The following OSBPL11 variants were observed in gnomAD, a reference collection of about 807,000 sequenced individuals.
The protein encoded by OSBPL11 is oxysterol-binding protein-related protein 11.
In OSBPL11, 33 loss-of-function variants were observed where a neutral mutation model predicts 84.4. The observed-to-expected ratio is 0.39, with a 90% CI of 0.30 to 0.52. OSBPL11 has a LOEUF of 0.52. Ranked by LOEUF, OSBPL11 falls within the 20% of genes least tolerant of loss-of-function variation. The pLI is 0.72. For synonymous variants in OSBPL11, 276 were observed against 310.2 expected, an observed-to-expected ratio of 0.89 and a Z score of 1.16; for missense variants, 736 against 901.1, an observed-to-expected ratio of 0.82 and a Z score of 2.35.
intron 9 of OSBPL11, among the ~76,000 whole-genome samples, chr3:125,549,301 G>C (rs1312371068): frequency 6.6e-6 from 1 of 152,186 alleles, no homozygotes; most frequent in Non-Finnish European, 1.5e-5. Context: ...TGGGATTACA[G>C]GCGTGAGTCA....
Position 125,576,212 on chromosome 3 carries a change from C to A in OSBPL11, c.643G>T (p.Asp215Tyr), listed in dbSNP as rs1352116702. ...SLSKRTNLPP[D>Y]HLVEVREMMS... ...ACTTCTCTGACTTCCACAAGATGGT[C>A]TGGAGGTAAATTAGTTCTTTTGCTC... The change falls in exon 5 of 13, where the codon GAC becomes TAC. Residue 215 changes from aspartate to tyrosine, a missense_variant. Around this residue, in one of 3 missense-constraint regions of OSBPL11, gnomAD observed 579 missense variants for 717.6 expected, o/e 0.81. Transcript: ENST00000296220. The A allele has an allele frequency of 1.9e-6, 3 of 1,608,596 alleles. No individual in the cohort carries two copies. Among genetic ancestry groups the A allele is most frequent in the Non-Finnish European group, 2.5e-6 (3 of 1,178,580 alleles).
Position 125,530,316 on chromosome 3 carries a change from G to A in OSBPL11, c.*199C>T. ...GGTATTGCTCACATCACATGAACAG[G>A]TTGGTAAAAGGTCCACTGTGTTTCT... On this transcript the variant is annotated 3_prime_UTR_variant, in exon 13 of 13. Transcript: ENST00000296220. 2 of 594,624 alleles carry A rather than the reference G, an allele frequency of 3.4e-6. No individual in the cohort carries two copies. The highest frequency in any genetic ancestry group is 6.1e-6 in the Non-Finnish European group (2 of 328,850). 36.8% of individuals were successfully genotyped at this position (594,624 alleles called of 1,614,324 possible).
At position 125,563,833 on chromosome 3, in the gene OSBPL11, G is replaced by A. The variant is rs1291204151; in HGVS notation, c.879C>T (p.Ile293=). The change falls in exon 7 of 13, where the codon ATC becomes ATT. Residue 293 remains isoleucine (I), a synonymous_variant. Transcript: ENST00000296220. ...QKGSLPSGTT[I]EWLEPKISLS... Reference sequence around the variant, plus strand: ...AAGATATCTTTGGTTCTAACCACTCGATTGTCGTTCCTGATGGAGTAAGAG... The same window carrying A: ...AAGATATCTTTGGTTCTAACCACTCAATTGTCGTTCCTGATGGAGTAAGAG... 13 of 1,613,496 alleles carry A rather than the reference G, an allele frequency of 8.1e-6. No individual in the cohort carries two copies. The highest frequency in any genetic ancestry group is 1.3e-5 in the African/African-American group (1 of 74,902).
intron 10 of OSBPL11, among the ~76,000 whole-genome samples, chr3:125,540,419 G>A (rs1471856105): frequency 6.8e-6 from 1 of 147,778 alleles, no homozygotes; most frequent in Non-Finnish European, 1.5e-5. Context: ...CAGTCAACTT[G>A]ATTACAGCAG....
intron 8 of OSBPL11, among the ~76,000 whole-genome samples, chr3:125,557,476 G>A (rs1259039070): frequency 1.3e-5 from 2 of 152,034 alleles, no homozygotes; most frequent in Non-Finnish European, 2.9e-5. Context: ...CTGCCTCCTG[G>A]GTTCAAGCGG....
intron 5 of OSBPL11, among the ~76,000 whole-genome samples, chr3:125,568,292 A>G (rs1326639903): frequency 1.3e-4 from 20 of 152,054 alleles, no homozygotes; most frequent in Admixed American, 1.2e-3. Context: ...TTAGCCAGGC[A>G]TGGTGGCAGG....
chr3:125,559,535 C>T (rs1360220343), intron 8 of OSBPL11, among the ~76,000 whole-genome samples: 1 of 152,068 alleles, frequency 6.6e-6, no homozygotes, highest in Non-Finnish European at 1.5e-5. Context: ...CTACAGGCCA[C>T]CATGCCCGGC....
At chr3:125,559,444 A>G (rs945811836) in intron 8 of OSBPL11, among the ~76,000 whole-genome samples, 5 of 152,210 alleles carry the variant, frequency 3.3e-5, no homozygotes, top group Non-Finnish European at 7.4e-5. Flanking sequence ...ACTGGAGCGC[A>G]GTGGCACAAT....
At chr3:125,551,679 G>C (rs1015123868) in intron 9 of OSBPL11, among the ~76,000 whole-genome samples, 3 of 152,084 alleles carry the variant, frequency 2.0e-5, no homozygotes, top group Non-Finnish European at 4.4e-5. Context: ...TCGTGAGTCT[G>C]AGGCAGGAGA....
chr3:125,551,745 T>C (rs1935911663), intron 9 of OSBPL11, among the ~76,000 whole-genome samples: 1 of 151,720 alleles, frequency 6.6e-6, no homozygotes. Flanking sequence ...ACCATTGCAC[T>C]CCAGCCTGGA....
At position 125,534,601 on chromosome 3, in the gene OSBPL11, A is replaced by G. The variant is rs547791125; in HGVS notation, c.2025-2587T>C. On this transcript the variant is annotated intron_variant, in intron 11 of 12. Coordinates refer to ENST00000296220, the MANE Select transcript of OSBPL11 (RefSeq NM_022776.5). Reference sequence around the variant, plus strand: ...TTCATGAGTTAAAAAAAAAAAACCCACAAAGGAAATAAGAAAATATTTCGA... The same window carrying G: ...TTCATGAGTTAAAAAAAAAAAACCCGCAAAGGAAATAAGAAAATATTTCGA... 6.9e-4 allele frequency among the ~76,000 whole-genome samples: 105 copies of G among 151,700 alleles called. 1 individual carries two copies. Among genetic ancestry groups the G allele is most frequent in the South Asian group, 1.9e-3 (9 of 4,818 alleles).
chr3:125,558,814 A>G (rs1489565388), intron 8 of OSBPL11, among the ~76,000 whole-genome samples: 1 of 152,216 alleles, frequency 6.6e-6, no homozygotes, highest in Non-Finnish European at 1.5e-5. Flanking sequence ...TGCTTCTCAA[A>G]CTTTAATGTA....
chr3:125,547,510 A>C lies in OSBPL11; in HGVS notation c.1737T>G (p.Pro579=). ...CAYARSILTV[P]WVELGGKVSV... is the part of the protein sequence containing the mutation. ...TGACTTTGCCACCCAGTTCTACCCA[A>C]GGAACAGTCAAAATTGACCGAGCAT... is the stretch of plus-strand genomic sequence containing the variant. The change falls in exon 10 of 13, where the codon CCT becomes CCG. Residue 579 remains proline (P), a synonymous_variant. Transcript: ENST00000296220. 1 of 1,614,090 alleles carries C rather than the reference A, an allele frequency of 6.2e-7. No homozygotes were observed. The highest frequency in any genetic ancestry group is 8.5e-7 in the Non-Finnish European group (1 of 1,179,936).
Position 125,595,283 on chromosome 3 carries a change from C to A in OSBPL11, c.-483G>T, listed in dbSNP as rs1200946703. On this transcript the variant is annotated 5_prime_UTR_variant, in exon 1 of 13. Coordinates refer to ENST00000296220, the MANE Select transcript of OSBPL11 (RefSeq NM_022776.5). ...CCCGCTCGGCAGTTCCCGCCGCAGC[C>A]CCCGAGATACAGCCAGGGCCGGCGC... Among the ~76,000 whole-genome samples the A allele has an allele frequency of 1.3e-5, 2 of 152,176 alleles. No individual in the cohort carries two copies. The highest frequency in any genetic ancestry group is 4.8e-5 in the African/African-American group (2 of 41,452).
chr3:125,591,194 T>G (rs1023321296), intron 1 of OSBPL11, among the ~76,000 whole-genome samples: 1 of 152,242 alleles, frequency 6.6e-6, no homozygotes, highest in East Asian at 1.9e-4. Context: ...GATACATAAT[T>G]TGACTCCCCA....
chr3:125,564,954 C>A (rs1341845329), intron 6 of OSBPL11, among the ~76,000 whole-genome samples: 1 of 152,178 alleles, frequency 6.6e-6, no homozygotes. Flanking sequence ...CATGCCCGGC[C>A]ACAAATGAAA....
intron 1 of OSBPL11, among the ~76,000 whole-genome samples, chr3:125,587,408 T>TAAGCATCCAG (rs1403712128): frequency 2.6e-4 from 40 of 152,278 alleles, no homozygotes; most frequent in African/African-American, 9.1e-4. Flanking sequence ...GGCAGCATGA[T>TAAGCATCCAG]TAGGGCTTGG....
intron 10 of OSBPL11, among the ~76,000 whole-genome samples, chr3:125,541,968 T>C (rs1249941292): frequency 6.6e-6 from 1 of 152,240 alleles, no homozygotes. Flanking sequence ...CCAATACTTC[T>C]AGGTACAAAT....
intron 4 of OSBPL11, among the ~76,000 whole-genome samples, chr3:125,577,477 G>C (rs1001083063): frequency 2.0e-5 from 3 of 152,058 alleles, no homozygotes; most frequent in Non-Finnish European, 4.4e-5. Flanking sequence ...TATCCACTAA[G>C]ATAACCATAA....
Sources: allele counts gnomAD v4.1 joint callset (sites outside exome capture counted in the v4.1 genomes callset), GRCh38; gene constraint gnomAD v4.1.1; regional missense constraint gnomAD v4.1.1; transcripts MANE v1.5; gene names NCBI Gene and HGNC (gene_info 2026-07-23, HGNC 2026-07-21).